NMNAT1: variants seen among roughly 807,000 people sequenced by gnomAD.
The protein encoded by NMNAT1 is nicotinamide/nicotinic acid mononucleotide adenylyltransferase 1.
NMNAT1 carries 11 observed loss-of-function variants against 16.7 expected under a neutral mutation model. That is an observed-to-expected ratio of 0.66 (90% CI 0.41 to 1.09). The LOEUF (loss-of-function observed/expected upper bound fraction) is 1.09. NMNAT1 is among the 50% of genes least tolerant of loss of function. NMNAT1 has a pLI of 0.00. For missense variants in NMNAT1, 280 were observed against 332.3 expected (o/e 0.84, Z 1.22); for synonymous variants, 110 against 119.8 (o/e 0.92, Z 0.53).
chr1:9,981,993 A>G (rs1257981714), intron 4 of NMNAT1, among the ~76,000 whole-genome samples: 1 of 151,904 alleles, frequency 6.6e-6, no homozygotes, highest in African/African-American at 2.4e-5. Context: ...CCTCTCAAGT[A>G]TCTGGGGTTA....
At chr1:9,994,964 T>C in the NMNAT1 span, among the ~76,000 whole-genome samples, 1 of 151,944 alleles carries the variant, frequency 6.6e-6, no homozygotes, top group Non-Finnish European at 1.5e-5. Context: ...ACCAGGCTGG[T>C]CTCAAACTCC....
chr1:9,967,991 A>G (rs960727882), intron 1 of NMNAT1, among the ~76,000 whole-genome samples: 6 of 152,050 alleles, frequency 3.9e-5, no homozygotes, highest in African/African-American at 1.2e-4. Flanking sequence ...TCAAAAAACA[A>G]AAGACAATTC....
At chr1:9,996,354 C>T in the NMNAT1 span, among the ~76,000 whole-genome samples, 2 of 151,044 alleles carry the variant, frequency 1.3e-5, no homozygotes, top group Admixed American at 1.3e-4. Context: ...GACTCTGTCT[C>T]AAAAGAAAAA....
chr1:9,991,678 G>A, the NMNAT1 span, among the ~76,000 whole-genome samples: 2 of 152,034 alleles, frequency 1.3e-5, no homozygotes, highest in African/African-American at 4.8e-5. Context: ...ATCAACATGG[G>A]CTCTGCCCTG....
the NMNAT1 span, among the ~76,000 whole-genome samples, chr1:9,995,778 C>T: frequency 1.3e-5 from 2 of 152,120 alleles, no homozygotes; most frequent in African/African-American, 4.8e-5. Context: ...CCTATAATCC[C>T]AGCACTTTGG....
intron 1 of NMNAT1, among the ~76,000 whole-genome samples, chr1:9,968,068 G>GTTTTTTT: frequency 3.1e-5 from 2 of 64,076 alleles, no homozygotes; most frequent in Middle Eastern, 8.1e-3. Context: ...GCCAAATGTA[G>GTTTTTTT]TTTTTTTTTT....
At chr1:9,963,599 C>T (rs1484357919) in intron 1 of NMNAT1, among the ~76,000 whole-genome samples, 2 of 151,582 alleles carry the variant, frequency 1.3e-5, no homozygotes, top group Non-Finnish European at 2.9e-5. Context: ...TTAGTAGAGA[C>T]GGTTTCACCA....
intron 1 of NMNAT1, among the ~76,000 whole-genome samples, chr1:9,948,476 A>G (rs1305868798): frequency 6.6e-6 from 1 of 151,888 alleles, no homozygotes; most frequent in Non-Finnish European, 1.5e-5. Context: ...ACTTGGGGTA[A>G]GGGCTGAGGT....
chr1:9,966,341 G>A (rs141684695), intron 1 of NMNAT1, among the ~76,000 whole-genome samples: 1,590 of 151,778 alleles, frequency 0.01, 33 homozygotes, highest in African/African-American at 0.036. Context: ...GACCGGGCGC[G>A]GTGGCTCACG....
At position 9,972,077 on chromosome 1, in the gene NMNAT1, G is replaced by A. The variant is rs1303913428; in HGVS notation, c.4G>A (p.Glu2Lys). The A allele has an allele frequency of 1.3e-6, 2 of 1,579,268 alleles. No homozygotes were observed. Among genetic ancestry groups the A allele is most frequent in the South Asian group, 1.1e-5 (1 of 90,354 alleles). The part of the protein sequence containing the change: M[E>K]NSEKTEVVLL... ...TCAACAACTTCAAGTTCTTACCATG[G>A]AAAATTCCGAGAAGACTGAAGTGGT... Residue 2 changes from glutamate to lysine, a missense_variant, in exon 2 of 5, where the codon GAA (glutamate) becomes AAA (lysine). Coordinates refer to ENST00000377205, the MANE Select transcript of NMNAT1 (RefSeq NM_022787.4).
chr1:9,990,693 T>TC, the NMNAT1 span, among the ~76,000 whole-genome samples: 27 of 152,248 alleles, frequency 1.8e-4, no homozygotes, highest in African/African-American at 6.5e-4. Flanking sequence ...AGCATCAGAC[T>TC]CCATCAAGCA....
downstream of NMNAT1, among the ~76,000 whole-genome samples, chr1:9,989,029 G>A (rs1461523921): frequency 6.6e-6 from 1 of 152,060 alleles, no homozygotes; most frequent in East Asian, 1.9e-4. Context: ...AAGAGGGTGG[G>A]TCCCCAATGA....
chr1:9,962,767 C>T (rs1327677405), intron 1 of NMNAT1, among the ~76,000 whole-genome samples: 1 of 148,976 alleles, frequency 6.7e-6, no homozygotes, highest in Non-Finnish European at 1.5e-5. Context: ...CTGCAAGCTC[C>T]GCCTCCCGGG....
chr1:9,980,287 A>G (rs1182489452), intron 3 of NMNAT1, among the ~76,000 whole-genome samples: 3 of 151,884 alleles, frequency 2.0e-5, no homozygotes, highest in Non-Finnish European at 1.5e-5. Flanking sequence ...TGTTGAGAAG[A>G]CTTAATCAGA....
rs1460158399 is a variant in NMNAT1 at position 9,985,065 on chromosome 1, C to T, written c.*2364C>T. 6.6e-6 allele frequency: 1 copy of T among 152,080 alleles called. No individual in the cohort carries two copies. The highest frequency in any genetic ancestry group is 1.5e-5 in the Non-Finnish European group (1 of 68,032). 9.4% of individuals were successfully genotyped at this position (152,080 alleles called of 1,614,324 possible). On this transcript the variant is annotated 3_prime_UTR_variant, in exon 5 of 5. Transcript: ENST00000377205. ...AGAAGTTGTTATATGATGAAATAGC[C>T]TCCTTTAACGTTTATTTCTGGGTGC...
In NMNAT1 at chr1:9,963,846, A is replaced by AT. The variant is rs530421698; in HGVS notation, c.-56-8165dup. Among the ~76,000 whole-genome samples, 22 of 152,220 alleles carry AT rather than the reference A, an allele frequency of 1.4e-4. No individual in the cohort carries two copies. In the East Asian group the frequency reaches 4.2e-3, roughly 29 times the overall value. On this transcript the variant is annotated intron_variant, in intron 1 of 4. Coordinates refer to ENST00000377205, the MANE Select transcript of NMNAT1 (RefSeq NM_022787.4). ...CATGCTAATTGCTTTTGGCCAAGTT[A>AT]TTTTTTTGCAGTGAGAATCAAATGA...
chr1:9,978,084 T>C (rs1344354666), intron 3 of NMNAT1, among the ~76,000 whole-genome samples: 1 of 151,980 alleles, frequency 6.6e-6, no homozygotes, highest in Non-Finnish European at 1.5e-5. Context: ...AGGCCGGGCA[T>C]GGTGGCTCAC....
intron 1 of NMNAT1, among the ~76,000 whole-genome samples, chr1:9,966,577 C>T (rs1361695874): frequency 6.6e-6 from 1 of 151,574 alleles, no homozygotes; most frequent in Non-Finnish European, 1.5e-5. Context: ...TTTGCCACTG[C>T]ACTCCAGCCT....
intron 1 of NMNAT1, among the ~76,000 whole-genome samples, chr1:9,969,119 G>C (rs1293368256): frequency 6.6e-6 from 1 of 152,024 alleles, no homozygotes. Flanking sequence ...CTTTCTTGTA[G>C]AGTCTGACTA....
Sources: gnomAD v4.1 joint callset for allele counts (sites outside exome capture counted in the v4.1 genomes callset) on GRCh38, gnomAD v4.1.1 for gene constraint, MANE v1.5 for transcripts, NCBI Gene and HGNC (gene_info 2026-07-23, HGNC 2026-07-21) for gene names.